BBOX1: variants seen among roughly 807,000 people sequenced by gnomAD.
BBOX1 encodes the protein gamma-butyrobetaine dioxygenase.
A neutral mutation model predicts 41.6 loss-of-function variants in BBOX1; 35 were observed. That is an observed-to-expected ratio of 0.84 (90% CI 0.64 to 1.11). The LOEUF is 1.11. Among genes scored for constraint, BBOX1 ranks in the 50% most tolerant of loss-of-function variants. The pLI, the probability that BBOX1 is intolerant of heterozygous loss-of-function variation, is 0.00. For missense variants in BBOX1, 458 were observed against 460.6 expected (o/e 0.99, Z 0.05); for synonymous variants, 163 against 154.7 (o/e 1.05, Z -0.40).
intron 7 of BBOX1, among the ~76,000 whole-genome samples, chr11:27,121,050 A>C (rs2134107952): frequency 6.6e-6 from 1 of 152,308 alleles, no homozygotes; most frequent in East Asian, 1.9e-4. Flanking sequence ...GATAAGGGGA[A>C]TCTGTAGGGC....
At chr11:27,070,370 A>T (rs968398156) in intron 4 of BBOX1, among the ~76,000 whole-genome samples, 1 of 152,042 alleles carries the variant, frequency 6.6e-6, no homozygotes, top group Non-Finnish European at 1.5e-5. Flanking sequence ...GAAGTTCCCC[A>T]CTATTATTAT....
At chr11:27,042,091 T>C (rs1487662021) in intron 2 of BBOX1, among the ~76,000 whole-genome samples, 2 of 152,210 alleles carry the variant, frequency 1.3e-5, no homozygotes, top group Non-Finnish European at 2.9e-5. Flanking sequence ...GTAAGGTTTC[T>C]CATAATGAAT....
chr11:27,048,441 C>T (rs547794628), intron 2 of BBOX1, among the ~76,000 whole-genome samples: 14 of 150,456 alleles, frequency 9.3e-5, no homozygotes, highest in Non-Finnish European at 1.6e-4. Flanking sequence ...AATTTACCTT[C>T]TTTTTTAAGG....
chr11:27,120,346 A>G (rs139784626), intron 7 of BBOX1, among the ~76,000 whole-genome samples: 107 of 152,234 alleles, frequency 7.0e-4, no homozygotes, highest in Admixed American at 4.0e-3. Context: ...CTTCCCAATA[A>G]AGCTAGATGA....
chr11:27,116,403 C>T (rs149455610), intron 6 of BBOX1, among the ~76,000 whole-genome samples: 14 of 151,582 alleles, frequency 9.2e-5, no homozygotes, highest in Admixed American at 3.9e-4. Flanking sequence ...AGCAAACCAC[C>T]ATGGCACGTG....
At chr11:27,078,333 T>G (rs1168215224) in intron 4 of BBOX1, among the ~76,000 whole-genome samples, 1 of 152,144 alleles carries the variant, frequency 6.6e-6, no homozygotes, top group Non-Finnish European at 1.5e-5. Flanking sequence ...TTTCTTTTTT[T>G]TAATTATACT....
intron 5 of BBOX1, among the ~76,000 whole-genome samples, chr11:27,104,584 T>C (rs939983659): frequency 1.3e-5 from 2 of 152,176 alleles, no homozygotes; most frequent in East Asian, 3.9e-4. Context: ...GTTTAATGGA[T>C]TGAGTAAGAG....
At chr11:27,124,408 G>T (rs746249190) in intron 7 of BBOX1, among the ~76,000 whole-genome samples, 35 of 152,130 alleles carry the variant, frequency 2.3e-4, no homozygotes, top group Non-Finnish European at 4.4e-4. Context: ...TTCCCAATAA[G>T]CTACAAAAGA....
At chr11:27,095,626 C>T (rs908906882) in intron 5 of BBOX1, among the ~76,000 whole-genome samples, 1 of 151,950 alleles carries the variant, frequency 6.6e-6, no homozygotes, top group South Asian at 2.1e-4. Context: ...AAACGCCTTT[C>T]TTTCCAGCTT....
chr11:27,071,498 GA>G lies in BBOX1; in HGVS notation c.334+14184del, dbSNP rs199803284. 8.5e-3 allele frequency among the ~76,000 whole-genome samples: 1,290 copies of G among 152,178 alleles called. 29 individuals are homozygous for G. The highest frequency in any genetic ancestry group is 0.029 in the African/African-American group (1,221 of 41,514). On this transcript the variant is annotated intron_variant, in intron 4 of 8. Coordinates refer to ENST00000263182, the MANE Select transcript of BBOX1 (RefSeq NM_003986.3). ...ATGTCAAATTGTAATCCACACGTGT[GA>G]GGAGAGGCCTGGTGGGAGGCGATTG... is the stretch of plus-strand genomic sequence containing the variant.
At chr11:27,119,249 T>G (rs948915359) in intron 6 of BBOX1, among the ~76,000 whole-genome samples, 4 of 151,950 alleles carry the variant, frequency 2.6e-5, no homozygotes, top group Non-Finnish European at 5.9e-5. Flanking sequence ...TCTCATCCAT[T>G]CCCCTTTGCC....
Position 27,093,285 on chromosome 11 carries a change from GACT to G in BBOX1, c.453_455del (p.Arg151_Leu152delinsSer). The G allele has an allele frequency of 6.2e-7, 1 of 1,612,578 alleles. No individual in the cohort carries two copies. The highest frequency in any genetic ancestry group is 2.2e-5 in the East Asian group (1 of 44,796). On this transcript the variant is annotated inframe_deletion, in exon 5 of 9. Coordinates refer to ENST00000263182, the MANE Select transcript of BBOX1 (RefSeq NM_003986.3). ...ACCCTCAAGAAAGTAGGCATAGTAA[GACT>G]CACCGGAGCATCTGACAAACCAGGA...
At chr11:27,061,036 G>A (rs1857118768) in intron 4 of BBOX1, among the ~76,000 whole-genome samples, 1 of 151,990 alleles carries the variant, frequency 6.6e-6, no homozygotes, top group South Asian at 2.1e-4. Context: ...ACTTCTTCTG[G>A]TACTCAAAAT....
intron 5 of BBOX1, among the ~76,000 whole-genome samples, chr11:27,107,124 C>A (rs1269190432): frequency 2.6e-5 from 4 of 151,994 alleles, no homozygotes; most frequent in African/African-American, 9.7e-5. Flanking sequence ...TAAATGCCCA[C>A]AAGAGAAAGC....
intron 6 of BBOX1, among the ~76,000 whole-genome samples, chr11:27,118,359 G>C (rs1487235416): frequency 6.6e-6 from 1 of 152,000 alleles, no homozygotes; most frequent in East Asian, 1.9e-4. Context: ...AATTATTCCA[G>C]GTGAGTTGTG....
chr11:27,073,872 T>G (rs564552800), intron 4 of BBOX1, among the ~76,000 whole-genome samples: 2 of 151,882 alleles, frequency 1.3e-5, no homozygotes, highest in African/African-American at 4.8e-5. Flanking sequence ...ATGAGAACAC[T>G]TGGACACAGG....
At chr11:27,048,189 T>C (rs57875497) in intron 2 of BBOX1, among the ~76,000 whole-genome samples, 31,318 of 152,082 alleles carry the variant, frequency 0.21, 4,139 homozygotes, top group African/African-American at 0.38. Context: ...ATAGTCACTA[T>C]ATTGTACATC....
intron 5 of BBOX1, among the ~76,000 whole-genome samples, chr11:27,096,140 T>A (rs113857430): frequency 6.6e-6 from 1 of 152,106 alleles, no homozygotes; most frequent in Non-Finnish European, 1.5e-5. Context: ...TCCATTGGGA[T>A]AGAACTGGGG....
At chr11:27,043,534 C>A (rs1851404933) in intron 2 of BBOX1, among the ~76,000 whole-genome samples, 2 of 149,572 alleles carry the variant, frequency 1.3e-5, no homozygotes, top group South Asian at 2.2e-4. Context: ...ATTGAATACC[C>A]TTTATTTCTT....
Sources: gnomAD v4.1 joint callset for allele counts (sites outside exome capture counted in the v4.1 genomes callset) on GRCh38, gnomAD v4.1.1 for gene constraint, MANE v1.5 for transcripts, NCBI Gene and HGNC (gene_info 2026-07-23, HGNC 2026-07-21) for gene names.